Variants in VPS13C observed in about 807,000 individuals in gnomAD.
VPS13C encodes intermembrane lipid transfer protein VPS13C.
A neutral mutation model predicts 456.8 loss-of-function variants in VPS13C; 358 were observed. The ratio of observed to expected loss-of-function variants is 0.78; its 90% CI spans 0.72 to 0.86. VPS13C has a LOEUF of 0.86. VPS13C is among the 40% of genes least tolerant of loss of function. VPS13C has a pLI of 0.00. For synonymous variants in VPS13C, 1,578 were observed against 1,486.7 expected, an observed-to-expected ratio of 1.06 and a Z score of -1.41; for missense variants, 4,818 against 4,385.4, an observed-to-expected ratio of 1.10 and a Z score of -2.79.
At position 61,905,255 on chromosome 15, in the gene VPS13C, G is replaced by A. The variant is rs539316659; in HGVS notation, c.9105+2009C>T. 2.6e-5 allele frequency among the ~76,000 whole-genome samples: 4 copies of A among 152,204 alleles called. No homozygotes were observed. In the East Asian group the frequency reaches 5.8e-4, roughly 22 times the overall value. On this transcript the variant is annotated intron_variant, in intron 66 of 84. Transcript: ENST00000644861. ...ATCCCCCAAAATGTACAACTATTAT[G>A]TATGAATTTTTAAAAGGAAAGAAAT...
intron 61 of VPS13C, among the ~76,000 whole-genome samples, chr15:61,914,483 C>A (rs1411451820): frequency 6.6e-6 from 1 of 151,782 alleles, no homozygotes; most frequent in East Asian, 2.0e-4. Flanking sequence ...GCAGGAGAAT[C>A]GCTTGAACCC....
At chr15:62,022,815 T>C (rs1009487356) in intron 8 of VPS13C, among the ~76,000 whole-genome samples, 2 of 152,060 alleles carry the variant, frequency 1.3e-5, no homozygotes, top group East Asian at 1.9e-4. Context: ...AACAAAGCAA[T>C]GCATATTGTT....
At chr15:61,909,466 C>T (rs1489266116) in intron 64 of VPS13C, among the ~76,000 whole-genome samples, 2 of 152,244 alleles carry the variant, frequency 1.3e-5, no homozygotes, top group Non-Finnish European at 2.9e-5. Context: ...CTCGGCCTCC[C>T]AAAGTGCTGG....
intron 45 of VPS13C, among the ~76,000 whole-genome samples, chr15:61,942,544 C>CTT (rs56793702): frequency 1.5e-4 from 19 of 129,152 alleles, no homozygotes; most frequent in South Asian, 4.9e-4. Context: ...TCTGATAAGG[C>CTT]TTTTTTTTTT....
chr15:61,904,122 C>G (rs1435275854), intron 66 of VPS13C, among the ~76,000 whole-genome samples: 2 of 151,922 alleles, frequency 1.3e-5, no homozygotes, highest in Non-Finnish European at 2.9e-5. Context: ...CAAGTGAAAA[C>G]AAACATATAG....
rs79937630 is a variant in VPS13C, at chr15:62,024,751, C to T, written c.449-906G>A. On this transcript the variant is annotated intron_variant, in intron 6 of 84. Transcript: ENST00000644861. ...TCCTTTTATGATGTGACCCTACATC[C>T]CTGTCCTGTTCTATCTCCTAACATG... 8.0e-3 allele frequency among the ~76,000 whole-genome samples: 1,210 copies of T among 152,172 alleles called. 3 individuals carry two copies. The highest frequency in any genetic ancestry group is 0.024 in the Middle Eastern group (7 of 294).
intron 63 of VPS13C, 95 bp from the exon 64 acceptor site, chr15:61,910,400 T>G: frequency 1.0e-6 from 1 of 997,176 alleles, no homozygotes; most frequent in Non-Finnish European, 1.3e-6. Flanking sequence ...GATTCTGATC[T>G]TGATTAAATT....
intron 5 of VPS13C, among the ~76,000 whole-genome samples, chr15:62,030,593 T>C (rs1022730895): frequency 6.6e-6 from 1 of 152,064 alleles, no homozygotes. Flanking sequence ...AACACACACA[T>C]CATGTGACCT....
intron 42 of VPS13C, among the ~76,000 whole-genome samples, chr15:61,949,120 A>G (rs879436462): frequency 3.9e-5 from 6 of 152,228 alleles, no homozygotes; most frequent in Admixed American, 3.3e-4. Context: ...TGACTGAATC[A>G]TAACTGAACT....
chr15:62,039,967 T>C (rs2048186214), intron 3 of VPS13C, among the ~76,000 whole-genome samples: 3 of 152,128 alleles, frequency 2.0e-5, no homozygotes, highest in Admixed American at 6.6e-5. Flanking sequence ...TAAGTGTCCA[T>C]CAACAGGTGA....
chr15:61,936,820 A>G (rs113898222), intron 47 of VPS13C, 70 bp from the exon 48 acceptor site: 1 of 1,434,410 alleles, frequency 7.0e-7, no homozygotes, highest in Non-Finnish European at 9.3e-7. Context: ...CTATATCTCG[A>G]TTTGTGGTTT....
intron 52 of VPS13C, among the ~76,000 whole-genome samples, chr15:61,926,172 G>A (rs983563436): frequency 6.6e-6 from 1 of 152,132 alleles, no homozygotes; most frequent in Non-Finnish European, 1.5e-5. Flanking sequence ...GCCAAAGTAG[G>A]GGGAATGCTT....
At chr15:61,924,479 CA>C (rs1370879565) in intron 53 of VPS13C, among the ~76,000 whole-genome samples, 1 of 152,174 alleles carries the variant, frequency 6.6e-6, no homozygotes, top group Non-Finnish European at 1.5e-5. Context: ...TTGTAAAGGA[CA>C]TTTTTTTAAT....
At chr15:61,963,561 T>C (rs2045283833) in intron 32 of VPS13C, among the ~76,000 whole-genome samples, 1 of 152,096 alleles carries the variant, frequency 6.6e-6, no homozygotes, top group African/African-American at 2.4e-5. Flanking sequence ...AGCCCATCAA[T>C]AGCATTCCTA....
chr15:61,978,063 A>C (rs1004464356), intron 23 of VPS13C, among the ~76,000 whole-genome samples: 1 of 152,184 alleles, frequency 6.6e-6, no homozygotes, highest in African/African-American at 2.4e-5. Flanking sequence ...CTTTAAAAAA[A>C]CAAAAATATT....
chr15:61,970,896 A>G (rs1337888918), intron 27 of VPS13C, among the ~76,000 whole-genome samples: 1 of 152,050 alleles, frequency 6.6e-6, no homozygotes, highest in Non-Finnish European at 1.5e-5. Flanking sequence ...GCCATGCAGG[A>G]AAAGAGTGTT....
At chr15:62,035,644 G>C (rs1277903020) in intron 3 of VPS13C, among the ~76,000 whole-genome samples, 1 of 151,996 alleles carries the variant, frequency 6.6e-6, no homozygotes, top group Non-Finnish European at 1.5e-5. Flanking sequence ...TGTCACAACA[G>C]GAAGAGGCTA....
intron 42 of VPS13C, 32 bp downstream of exon 42, chr15:61,949,411 G>T (rs376636602): frequency 9.4e-6 from 15 of 1,594,570 alleles, no homozygotes; most frequent in Non-Finnish European, 1.3e-5. Flanking sequence ...AAAGTTCAAA[G>T]TATTATTAGA....
At chr15:61,866,643 G>A in intron 81 of VPS13C, 2 of 985,034 alleles carry the variant, frequency 2.0e-6, no homozygotes, top group Non-Finnish European at 2.4e-6. Context: ...AAATTATCTA[G>A]GCACAAGAAA....
Sources: allele counts gnomAD v4.1 joint callset (sites outside exome capture counted in the v4.1 genomes callset), GRCh38; gene constraint gnomAD v4.1.1; transcripts MANE v1.5; gene names NCBI Gene and HGNC (gene_info 2026-07-23, HGNC 2026-07-21).